Variants in AIG1 observed in about 807,000 individuals in gnomAD.
The protein encoded by AIG1 is androgen induced 1.
AIG1 carries 23 observed loss-of-function variants against 31.4 expected under a neutral mutation model. That is an observed-to-expected ratio of 0.73 (90% CI 0.53 to 1.04). The LOEUF (loss-of-function observed/expected upper bound fraction) is 1.04. Ranked by LOEUF, AIG1 falls within the 50% of genes least tolerant of loss-of-function variation. The probability of loss-of-function intolerance (pLI) is 0.00; values close to 1 mark genes in which losing one functional copy is unlikely to be tolerated. For missense variants in AIG1, 274 were observed against 295.0 expected (o/e 0.93, Z 0.52); for synonymous variants, 100 against 110.5 (o/e 0.90, Z 0.60).
At chr6:143,305,733 T>A (rs1477132999) in intron 4 of AIG1, among the ~76,000 whole-genome samples, 1 of 152,162 alleles carries the variant, frequency 6.6e-6, no homozygotes, top group Admixed American at 6.5e-5. Context: ...TGTAGATGTC[T>A]ATTAGGTCCA....
chr6:143,187,733 T>C, intron 3 of AIG1: 1 of 1,535,894 alleles, frequency 6.5e-7, no homozygotes. Flanking sequence ...GACTAAAGGA[T>C]TGACCTGGTG....
Position 143,256,771 on chromosome 6 carries a change from A to C in AIG1, c.400-27339A>C, listed in dbSNP as rs1189761179. Reference sequence around the variant, plus strand: ...TGTTTGGCACTCTCTAGATTTTGACACATTAGAAGAAAAAATAAAGTTATA... The same window carrying C: ...TGTTTGGCACTCTCTAGATTTTGACCCATTAGAAGAAAAAATAAAGTTATA... On this transcript the variant is annotated intron_variant, in intron 3 of 5. Transcript: ENST00000357847. The surrounding 1 kb of genome is among the most constrained non-coding windows in gnomAD (Gnocchi z 4.6). 1.3e-5 allele frequency among the ~76,000 whole-genome samples: 2 copies of C among 152,232 alleles called. No homozygotes were observed. The highest frequency in any genetic ancestry group is 2.9e-5 in the Non-Finnish European group (2 of 68,036).
chr6:143,294,555 A>G (rs762937996), intron 4 of AIG1, among the ~76,000 whole-genome samples: 5 of 152,194 alleles, frequency 3.3e-5, no homozygotes, highest in Non-Finnish European at 7.4e-5. Flanking sequence ...TTACCATTAA[A>G]CTAATACTAC....
intron 3 of AIG1, among the ~76,000 whole-genome samples, chr6:143,209,684 C>T (rs1791436322): frequency 6.6e-6 from 1 of 152,138 alleles, no homozygotes. Flanking sequence ...CCAGTGAGAC[C>T]CATGTCAGAC....
At chr6:143,143,395 G>T (rs528315877) in intron 2 of AIG1, among the ~76,000 whole-genome samples, 3 of 146,118 alleles carry the variant, frequency 2.1e-5, no homozygotes, top group East Asian at 4.2e-4. Context: ...TAGCTACTTG[G>T]GAAGCTGAGG....
chr6:143,089,828 A>T (rs1779138545), intron 1 of AIG1, among the ~76,000 whole-genome samples: 1 of 152,148 alleles, frequency 6.6e-6, no homozygotes, highest in Non-Finnish European at 1.5e-5. Context: ...GGATTTACCT[A>T]TTCCTGAGTG....
chr6:143,082,797 C>T (rs550520192), intron 1 of AIG1, among the ~76,000 whole-genome samples: 29 of 152,204 alleles, frequency 1.9e-4, no homozygotes, highest in African/African-American at 6.7e-4. Flanking sequence ...ACTCTTAGAG[C>T]TGTTCATGTT....
chr6:143,295,888 G>A (rs1325172442), intron 4 of AIG1, among the ~76,000 whole-genome samples: 1 of 152,070 alleles, frequency 6.6e-6, no homozygotes, highest in Non-Finnish European at 1.5e-5. Flanking sequence ...AGAAAATAAA[G>A]AGGGCTTCCT....
intron 3 of AIG1, among the ~76,000 whole-genome samples, chr6:143,266,346 C>CAAAAAAAAA (rs398002969): frequency 1.1e-5 from 1 of 93,206 alleles, no homozygotes. Context: ...GAGTCCGTCT[C>CAAAAAAAAA]AAAAAAAAAA....
chr6:143,127,787 A>T (rs1409928856), intron 1 of AIG1, among the ~76,000 whole-genome samples: 1 of 151,946 alleles, frequency 6.6e-6, no homozygotes. Context: ...TCCCATGTTC[A>T]AGTGATTCTT....
chr6:143,209,479 G>A (rs1418123662), intron 3 of AIG1, among the ~76,000 whole-genome samples: 1 of 152,162 alleles, frequency 6.6e-6, no homozygotes, highest in Non-Finnish European at 1.5e-5. Context: ...ATGTGTAAAA[G>A]GGAGGCAGAA....
intron 4 of AIG1, among the ~76,000 whole-genome samples, chr6:143,308,677 A>C (rs1432550563): frequency 6.6e-6 from 1 of 152,224 alleles, no homozygotes; most frequent in Non-Finnish European, 1.5e-5. Flanking sequence ...TCTGGTATTC[A>C]GTCCTACCAA....
chr6:143,254,972 A>C lies in AIG1; in HGVS notation c.400-29138A>C, dbSNP rs148934758. Among the ~76,000 whole-genome samples the C allele has an allele frequency of 9.4e-3, 1,431 of 152,254 alleles. 43 individuals are homozygous for C. The highest frequency in any genetic ancestry group is 0.065 in the East Asian group (337 of 5,182). On this transcript the variant is annotated intron_variant, in intron 3 of 5. Coordinates refer to ENST00000357847, the MANE Select transcript of AIG1 (RefSeq NM_016108.4). ...GGATCACCTGAGCCCCAGGAGGTTA[A>C]GGCTGCAGTGAGCCCATGATCATTC...
chr6:143,177,755 G>C (rs989699470), intron 3 of AIG1, among the ~76,000 whole-genome samples: 1 of 152,178 alleles, frequency 6.6e-6, no homozygotes, highest in African/African-American at 2.4e-5. Context: ...GGGCCTGGGT[G>C]GCTTCATCAC....
intron 1 of AIG1, among the ~76,000 whole-genome samples, chr6:143,079,321 T>G (rs1487623652): frequency 1.3e-5 from 2 of 152,148 alleles, no homozygotes; most frequent in Non-Finnish European, 2.9e-5. Flanking sequence ...CCTGGAGTTT[T>G]TGCTGTCAGT....
At chr6:143,270,838 TGTG>T (rs1322035224) in intron 3 of AIG1, among the ~76,000 whole-genome samples, 1 of 152,064 alleles carries the variant, frequency 6.6e-6, no homozygotes, top group Non-Finnish European at 1.5e-5. Context: ...TATGTGTGCT[TGTG>T]TGTGTGTGCA....
At chr6:143,315,160 G>A (rs371850247) in intron 4 of AIG1, among the ~76,000 whole-genome samples, 12 of 151,964 alleles carry the variant, frequency 7.9e-5, no homozygotes, top group East Asian at 3.9e-4. Flanking sequence ...AAAGCAATGC[G>A]AAAATAATAA....
intron 1 of AIG1, among the ~76,000 whole-genome samples, chr6:143,136,370 G>C (rs1783749267): frequency 6.6e-6 from 1 of 152,088 alleles, no homozygotes; most frequent in African/African-American, 2.4e-5. Flanking sequence ...TTCACATTTA[G>C]ACTGAATTGT....
At position 143,298,187 on chromosome 6, in the gene AIG1, A is replaced by G. The variant is rs74921522; in HGVS notation, c.515+13962A>G. ...GACAATTCATTCATAAATTCTTGCC[A>G]GCCTCTGGAGAAATCCAGGAATTGT... On this transcript the variant is annotated intron_variant, in intron 4 of 5. Coordinates refer to ENST00000357847, the MANE Select transcript of AIG1 (RefSeq NM_016108.4). This position sits in a 1 kb window ranked among gnomAD's most constrained non-coding sequence, Gnocchi z 5.1. 0.07 allele frequency among the ~76,000 whole-genome samples: 10,693 copies of G among 152,238 alleles called. 634 individuals carry two copies. Among genetic ancestry groups the G allele is most frequent in the East Asian group, 0.28 (1,440 of 5,156 alleles).
Sources: gnomAD v4.1 joint callset for allele counts (sites outside exome capture counted in the v4.1 genomes callset) on GRCh38, gnomAD v4.1.1 for gene constraint, Gnocchi (gnomAD v3.1) non-coding constraint, MANE v1.5 for transcripts, NCBI Gene and HGNC (gene_info 2026-07-23, HGNC 2026-07-21) for gene names.